The following PIK3C2G variants were observed in gnomAD, a reference collection of about 807,000 sequenced individuals.
PIK3C2G encodes phosphatidylinositol-4-phosphate 3-kinase catalytic subunit type 2 gamma.
A neutral mutation model predicts 181.1 loss-of-function variants in PIK3C2G; 168 were observed. The ratio of observed to expected loss-of-function variants is 0.93; its 90% CI spans 0.82 to 1.05. The LOEUF (loss-of-function observed/expected upper bound fraction) is 1.05. Among genes scored for constraint, PIK3C2G ranks in the 50% least tolerant of loss-of-function variants. PIK3C2G has a pLI of 0.00. For synonymous variants in PIK3C2G, 573 were observed against 592.2 expected (o/e 0.97, Z 0.47); for missense variants, 1,869 against 1,732.8 (o/e 1.08, Z -1.40).
the PIK3C2G span, among the ~76,000 whole-genome samples, chr12:18,671,187 TAAA>T: frequency 7.5e-6 from 1 of 134,116 alleles, no homozygotes; most frequent in Non-Finnish European, 1.6e-5. Flanking sequence ...AGACTCCATC[TAAA>T]AAAAAAAAAA....
Position 18,587,073 on chromosome 12 carries a change from A to G in PIK3C2G, c.4012-7421A>G, listed in dbSNP as rs184657518. On this transcript the variant is annotated intron_variant, in intron 29 of 32. Coordinates refer to ENST00000538779, the MANE Select transcript of PIK3C2G (RefSeq NM_001288772.2). Reference sequence around the variant, plus strand: ...AACCTATCTCAAAATAATAGATGCCATCTATAACAAACCCACAGCCAACAT... The same window carrying G: ...AACCTATCTCAAAATAATAGATGCCGTCTATAACAAACCCACAGCCAACAT... 2.7e-3 allele frequency among the ~76,000 whole-genome samples: 405 copies of G among 152,308 alleles called. 4 individuals carry two copies. The highest frequency in any genetic ancestry group is 1.6e-3 in the Non-Finnish European group (106 of 68,016).
At chr12:18,332,318 C>T (rs1012493783) in intron 8 of PIK3C2G, among the ~76,000 whole-genome samples, 1 of 152,002 alleles carries the variant, frequency 6.6e-6, no homozygotes, top group African/African-American at 2.4e-5. Flanking sequence ...GGTACTCCAC[C>T]CTTGCTTATT....
At chr12:18,688,789 G>A in the PIK3C2G span, among the ~76,000 whole-genome samples, 3 of 151,838 alleles carry the variant, frequency 2.0e-5, no homozygotes, top group Admixed American at 6.6e-5. Flanking sequence ...TATAATTTAA[G>A]GAACAAAATG....
the PIK3C2G span, chr12:18,688,009 A>G: frequency 2.6e-6 from 4 of 1,561,902 alleles, no homozygotes. Context: ...AATATGTACA[A>G]AAACTCTATC....
chr12:18,528,397 C>T (rs1943360727), intron 24 of PIK3C2G, among the ~76,000 whole-genome samples: 1 of 151,670 alleles, frequency 6.6e-6, no homozygotes, highest in Admixed American at 6.6e-5. Context: ...ATTATATTTC[C>T]TAGGAATAAA....
At chr12:18,344,252 C>T (rs1224720653) in intron 10 of PIK3C2G, among the ~76,000 whole-genome samples, 1 of 152,054 alleles carries the variant, frequency 6.6e-6, no homozygotes, top group East Asian at 1.9e-4. Context: ...ACCTAACCTG[C>T]CCTCCACACC....
chr12:18,435,510 C>CAGTTT (rs1946398829), intron 18 of PIK3C2G, among the ~76,000 whole-genome samples: 1 of 151,980 alleles, frequency 6.6e-6, no homozygotes. Context: ...TTCTTAATTC[C>CAGTTT]AGTTTCCTCT....
intron 31 of PIK3C2G, among the ~76,000 whole-genome samples, chr12:18,637,690 G>C (rs1332632379): frequency 6.6e-6 from 1 of 152,232 alleles, no homozygotes; most frequent in Non-Finnish European, 1.5e-5. Context: ...CTACAGAGAA[G>C]AGTGATCACA....
chr12:18,594,898 A>G (rs539339284), intron 30 of PIK3C2G, among the ~76,000 whole-genome samples: 2 of 152,142 alleles, frequency 1.3e-5, no homozygotes, highest in South Asian at 2.1e-4. Flanking sequence ...TGATTATAAT[A>G]TTATTTCTTT....
chr12:18,316,783 A>T (rs925314646), intron 6 of PIK3C2G, among the ~76,000 whole-genome samples: 4 of 151,988 alleles, frequency 2.6e-5, no homozygotes, highest in African/African-American at 4.8e-5. Context: ...TGGCAAATGT[A>T]TTTGTATATT....
intron 1 of PIK3C2G, among the ~76,000 whole-genome samples, chr12:18,278,650 T>C (rs1182908170): frequency 1.3e-5 from 2 of 152,144 alleles, no homozygotes; most frequent in Admixed American, 1.3e-4. Context: ...TTCTCAAATA[T>C]GTCACAATTG....
intron 29 of PIK3C2G, among the ~76,000 whole-genome samples, chr12:18,591,891 G>C (rs532601663): frequency 1.8e-4 from 28 of 151,976 alleles, no homozygotes; most frequent in African/African-American, 6.0e-4. Context: ...GATGATATTA[G>C]TATACCTGGA....
chr12:18,318,047 C>T (rs1950944417), intron 6 of PIK3C2G, among the ~76,000 whole-genome samples: 2 of 152,100 alleles, frequency 1.3e-5, no homozygotes, highest in South Asian at 2.1e-4. Context: ...CATTAATTTG[C>T]ATTAAAACAT....
chr12:18,330,876 G>A (rs774446323), intron 8 of PIK3C2G, among the ~76,000 whole-genome samples: 21 of 152,044 alleles, frequency 1.4e-4, no homozygotes, highest in African/African-American at 3.6e-4. Flanking sequence ...TTTCACTTAC[G>A]TGCCATTCAA....
intron 29 of PIK3C2G, among the ~76,000 whole-genome samples, chr12:18,573,790 C>T (rs1946096815): frequency 6.6e-6 from 1 of 152,174 alleles, no homozygotes; most frequent in African/African-American, 2.4e-5. Flanking sequence ...TTGTGCTCTA[C>T]TACAGCCATT....
intron 8 of PIK3C2G, among the ~76,000 whole-genome samples, chr12:18,330,046 T>C (rs1238142889): frequency 2.0e-5 from 3 of 152,102 alleles, no homozygotes; most frequent in Admixed American, 2.0e-4. Context: ...TTCAAAAAGA[T>C]TTATGGGAGT....
chr12:18,613,873 G>A (rs1592717341), intron 31 of PIK3C2G, among the ~76,000 whole-genome samples: 1 of 152,038 alleles, frequency 6.6e-6, no homozygotes, highest in African/African-American at 2.4e-5. Flanking sequence ...TGGTGCCTTT[G>A]ATGTAGAACA....
chr12:18,413,830 T>C (rs893257941), intron 16 of PIK3C2G, among the ~76,000 whole-genome samples: 1 of 152,030 alleles, frequency 6.6e-6, no homozygotes. Flanking sequence ...TCAAAATAGG[T>C]TGTAGTTTTT....
At chr12:18,559,803 TATATATATATATATATATAG>T (rs1368600065) in intron 26 of PIK3C2G, among the ~76,000 whole-genome samples, 33 of 51,408 alleles carry the variant, frequency 6.4e-4, no homozygotes, top group Non-Finnish European at 9.9e-4. Context: ...TATATATATA[TATATATATATATATATATAG>T]AGAGAGAGAG....
Sources: gnomAD v4.1 joint callset for allele counts (sites outside exome capture counted in the v4.1 genomes callset) on GRCh38, gnomAD v4.1.1 for gene constraint, MANE v1.5 for transcripts, NCBI Gene and HGNC (gene_info 2026-07-23, HGNC 2026-07-21) for gene names.